Variants in KIAA1958 observed in about 807,000 individuals in gnomAD.
KIAA1958 encodes KIAA1958.
In KIAA1958, 14 loss-of-function variants were observed where a neutral mutation model predicts 47.2. The ratio of observed to expected loss-of-function variants is 0.30; its 90% confidence interval spans 0.20 to 0.46. KIAA1958 has a LOEUF of 0.46. Ranked by LOEUF, KIAA1958 falls within the 20% of genes least tolerant of loss-of-function variation. KIAA1958 has a pLI of 1.00. For missense variants in KIAA1958, 803 were observed against 909.2 expected, an observed-to-expected ratio of 0.88 and a Z score of 1.50; for synonymous variants, 354 against 353.3, an observed-to-expected ratio of 1.00 and a Z score of -0.02.
intron 1 of KIAA1958, among the ~76,000 whole-genome samples, chr9:112,503,650 G>A (rs369486539): frequency 1.4e-5 from 2 of 141,160 alleles, no homozygotes; most frequent in East Asian, 2.2e-4. Context: ...CAAGGGCTCC[G>A]CTAGAGTGAA....
At chr9:112,646,467 G>A (rs1269592128) in intron 3 of KIAA1958, among the ~76,000 whole-genome samples, 1 of 152,232 alleles carries the variant, frequency 6.6e-6, no homozygotes, top group Non-Finnish European at 1.5e-5. Flanking sequence ...TGAGAGAGAA[G>A]AAACATAATG....
chr9:112,539,466 C>A (rs1207445655), intron 1 of KIAA1958, among the ~76,000 whole-genome samples: 1 of 152,030 alleles, frequency 6.6e-6, no homozygotes, highest in Admixed American at 6.6e-5. Flanking sequence ...AAATGGGTAG[C>A]ATAGACCAGT....
intron 1 of KIAA1958, among the ~76,000 whole-genome samples, chr9:112,551,825 T>A (rs1487788518): frequency 6.6e-6 from 1 of 152,228 alleles, no homozygotes; most frequent in Non-Finnish European, 1.5e-5. Context: ...GATCTAATTG[T>A]ATCTGGTCTA....
At chr9:112,638,454 G>A (rs1836842913) in intron 2 of KIAA1958, among the ~76,000 whole-genome samples, 2 of 152,016 alleles carry the variant, frequency 1.3e-5, no homozygotes, top group African/African-American at 4.8e-5. Flanking sequence ...ATGAGTGATA[G>A]CACCATTGGT....
At chr9:112,572,332 CTTCA>C (rs1240743424) in intron 1 of KIAA1958, among the ~76,000 whole-genome samples, 4 of 151,994 alleles carry the variant, frequency 2.6e-5, no homozygotes, top group African/African-American at 9.7e-5. Flanking sequence ...TTCATTCATT[CTTCA>C]TTCATTTATT....
chr9:112,497,492 A>G (rs1834065574), intron 1 of KIAA1958, among the ~76,000 whole-genome samples: 1 of 152,196 alleles, frequency 6.6e-6, no homozygotes, highest in Non-Finnish European at 1.5e-5. Flanking sequence ...CTTTGATCTT[A>G]GAATTCTAGC....
chr9:112,599,671 A>C (rs1479038556), intron 2 of KIAA1958, among the ~76,000 whole-genome samples: 1 of 152,238 alleles, frequency 6.6e-6, no homozygotes, highest in Non-Finnish European at 1.5e-5. Context: ...TAAATGTCAC[A>C]TCTATAATGA....
In KIAA1958 at chr9:112,659,968, A is replaced by T; in HGVS notation, c.2050A>T (p.Asn684Tyr). 6.2e-7 allele frequency: 1 copy of T among 1,614,236 alleles called. No individual in the cohort carries two copies. The highest frequency in any genetic ancestry group is 8.5e-7 in the Non-Finnish European group (1 of 1,180,048). Residue 684 changes from asparagine (N) to tyrosine (Y), a missense_variant, in exon 4 of 4, where the codon AAC becomes TAC. This residue lies in a region of KIAA1958 where 761 missense variants were observed against 829.3 expected (regional missense o/e 0.92). Coordinates refer to ENST00000337530, the MANE Select transcript of KIAA1958 (RefSeq NM_133465.4). ...GCGCTCTCTTCGGGGAATTGTCCCA[A>T]ACTTAGCCAAGAAGGTCAAGCTGGA... ...GLRSLRGIVP[N>Y]LAKKVKLENC...
At chr9:112,541,414 A>AGAG (rs1375337700) in intron 1 of KIAA1958, among the ~76,000 whole-genome samples, 2 of 152,204 alleles carry the variant, frequency 1.3e-5, no homozygotes, top group African/African-American at 2.4e-5. Context: ...ACCCAAAGGT[A>AGAG]GAGGGTGATA....
At chr9:112,517,607 T>G (rs1481921866) in intron 1 of KIAA1958, among the ~76,000 whole-genome samples, 1 of 152,136 alleles carries the variant, frequency 6.6e-6, no homozygotes, top group African/African-American at 2.4e-5. Flanking sequence ...TTTAGAAAAT[T>G]TAAGAATTTC....
At chr9:112,553,464 C>T (rs1234680090) in intron 1 of KIAA1958, among the ~76,000 whole-genome samples, 10 of 152,136 alleles carry the variant, frequency 6.6e-5, no homozygotes, top group Non-Finnish European at 1.5e-4. Flanking sequence ...AGCCACCGCA[C>T]CTGGCCCTGG....
At chr9:112,549,651 T>C (rs917183773) in intron 1 of KIAA1958, among the ~76,000 whole-genome samples, 13 of 152,138 alleles carry the variant, frequency 8.5e-5, no homozygotes, top group African/African-American at 2.4e-4. Context: ...TAGGGTAACA[T>C]AGGGCTCCAG....
chr9:112,521,231 A>G (rs1173658763), intron 1 of KIAA1958, among the ~76,000 whole-genome samples: 1 of 151,998 alleles, frequency 6.6e-6, no homozygotes, highest in Admixed American at 6.6e-5. Flanking sequence ...GTTTAAAGAG[A>G]TAGGTCTTGC....
intron 2 of KIAA1958, among the ~76,000 whole-genome samples, chr9:112,578,475 G>A (rs1239361584): frequency 2.0e-5 from 3 of 152,066 alleles, no homozygotes; most frequent in Non-Finnish European, 4.4e-5. Flanking sequence ...GAAATACTGC[G>A]TATCTTTAGA....
intron 1 of KIAA1958, among the ~76,000 whole-genome samples, chr9:112,531,766 T>G (rs1239594183): frequency 6.6e-6 from 1 of 152,244 alleles, no homozygotes; most frequent in African/African-American, 2.4e-5. Context: ...TCATGTATCT[T>G]ATTTCGTATT....
chr9:112,568,936 T>TAAAAAAAAAAA (rs57898820), intron 1 of KIAA1958, among the ~76,000 whole-genome samples: 6 of 36,456 alleles, frequency 1.6e-4, no homozygotes, highest in Admixed American at 1.1e-3. Flanking sequence ...ATAGGAAAAC[T>TAAAAAAAAAAA]AAAAAAAAAA....
At chr9:112,495,882 T>TG (rs1339576314) in intron 1 of KIAA1958, among the ~76,000 whole-genome samples, 1 of 152,158 alleles carries the variant, frequency 6.6e-6, no homozygotes, top group Non-Finnish European at 1.5e-5. Flanking sequence ...TTACATACTC[T>TG]GGGGAATAAT....
chr9:112,591,331 G>A (rs930646984), intron 2 of KIAA1958, among the ~76,000 whole-genome samples: 3 of 151,936 alleles, frequency 2.0e-5, no homozygotes, highest in Admixed American at 6.6e-5. Flanking sequence ...TGATCCGCCC[G>A]TCTCGGCCTC....
chr9:112,550,524 A>T (rs1322064795), intron 1 of KIAA1958, among the ~76,000 whole-genome samples: 1 of 152,218 alleles, frequency 6.6e-6, no homozygotes, highest in African/African-American at 2.4e-5. Flanking sequence ...AAAAGGACTC[A>T]CAGAACTCAG....
Sources: allele counts gnomAD v4.1 joint callset (sites outside exome capture counted in the v4.1 genomes callset), GRCh38; gene constraint gnomAD v4.1.1; regional missense constraint gnomAD v4.1.1; transcripts MANE v1.5; gene names NCBI Gene and HGNC (gene_info 2026-07-23, HGNC 2026-07-21).